Variants in RAD18 observed in about 807,000 individuals in gnomAD.
RAD18 encodes E3 ubiquitin-protein ligase RAD18.
In RAD18, 47 loss-of-function variants were observed where a neutral mutation model predicts 60.4. The observed-to-expected ratio is 0.78, with a 90% CI of 0.62 to 0.99. The LOEUF (loss-of-function observed/expected upper bound fraction) is 0.99. Ranked by LOEUF, RAD18 falls within the 50% of genes least tolerant of loss-of-function variation. The pLI is 0.00. For synonymous variants in RAD18, 225 were observed against 195.5 expected (o/e 1.15, Z -1.26); for missense variants, 640 against 593.3 (o/e 1.08, Z -0.82).
chr3:8,902,353 T>C (rs1321401083), intron 10 of RAD18, 27 bp downstream of exon 10: 2 of 1,479,064 alleles, frequency 1.4e-6, no homozygotes, highest in Non-Finnish European at 1.8e-6. Context: ...ATTCGACATA[T>C]GTCTGTTTTT....
chr3:8,907,507 G>C (rs982675497), intron 9 of RAD18, among the ~76,000 whole-genome samples: 1 of 151,996 alleles, frequency 6.6e-6, no homozygotes, highest in Non-Finnish European at 1.5e-5. Context: ...CCATCTCACC[G>C]CCCAAATATT....
intron 4 of RAD18, among the ~76,000 whole-genome samples, chr3:8,943,485 T>C (rs1019901748): frequency 2.0e-5 from 3 of 151,752 alleles, no homozygotes; most frequent in African/African-American, 4.8e-5. Context: ...GGCAGGTCAA[T>C]AGAAAATATC....
chr3:8,952,016 C>A (rs932289847), intron 2 of RAD18, among the ~76,000 whole-genome samples: 6 of 152,092 alleles, frequency 3.9e-5, no homozygotes, highest in Admixed American at 2.6e-4. Context: ...ACTGTCAGGA[C>A]CTAATTTAAA....
intron 7 of RAD18, among the ~76,000 whole-genome samples, chr3:8,918,994 A>T (rs1385736947): frequency 6.6e-6 from 1 of 152,238 alleles, no homozygotes; most frequent in Non-Finnish European, 1.5e-5. Flanking sequence ...TATCAAAGAG[A>T]AGGAAACTGG....
intron 11 of RAD18, among the ~76,000 whole-genome samples, chr3:8,892,219 T>C (rs1054406704): frequency 7.2e-5 from 11 of 152,198 alleles, no homozygotes; most frequent in African/African-American, 2.4e-4. Flanking sequence ...AGGAACTTTT[T>C]CAGCTTGTCT....
rs77079799 is a variant in RAD18 at position 8,958,439 on chromosome 3, G to T, written c.133+481C>A. 2.2e-3 allele frequency among the ~76,000 whole-genome samples: 329 copies of T among 152,274 alleles called. 1 individual carries two copies. The highest frequency in any genetic ancestry group is 7.1e-3 in the African/African-American group (294 of 41,550). Reference sequence around the variant, plus strand: ...GAGAAGTACAAACAAATTCCAACATGAGTCTTTCCAGCGTCACATAGCAGT... The same window carrying T: ...GAGAAGTACAAACAAATTCCAACATTAGTCTTTCCAGCGTCACATAGCAGT... On this transcript the variant is annotated intron_variant, in intron 2 of 12. Coordinates refer to ENST00000264926, the MANE Select transcript of RAD18 (RefSeq NM_020165.4).
intron 7 of RAD18, among the ~76,000 whole-genome samples, chr3:8,924,719 C>A (rs1408905007): frequency 7.1e-6 from 1 of 140,346 alleles, no homozygotes; most frequent in African/African-American, 2.6e-5. Context: ...TCTCTCAGAC[C>A]ACAGTGCAAT....
At position 8,913,350 on chromosome 3, in the gene RAD18, T is replaced by C. The variant is rs1352012625; in HGVS notation, c.966+294A>G. On this transcript the variant is annotated intron_variant, in intron 8 of 12. Transcript: ENST00000264926. ...CTTAGAGGTCCTTAGAGGTAGCTTA[T>C]CAAACACAACCAGCAGAGAAAGGAC... is the stretch of plus-strand genomic sequence containing the variant. 2.0e-5 allele frequency among the ~76,000 whole-genome samples: 3 copies of C among 152,190 alleles called. No individual in the cohort carries two copies. The East Asian group carries it at 5.8e-4, about 29-fold the overall frequency.
intron 7 of RAD18, among the ~76,000 whole-genome samples, chr3:8,918,694 A>G (rs760995600): frequency 6.6e-6 from 1 of 152,082 alleles, no homozygotes; most frequent in Non-Finnish European, 1.5e-5. Flanking sequence ...AGAAAAATCT[A>G]CTCTTTATAA....
intron 11 of RAD18, among the ~76,000 whole-genome samples, chr3:8,898,351 G>A (rs761198815): frequency 1.2e-4 from 18 of 150,460 alleles, no homozygotes; most frequent in Non-Finnish European, 1.8e-4. Flanking sequence ...GTGAAAGACC[G>A]GAACAAAAAC....
chr3:8,916,540 C>A (rs1467163787), intron 7 of RAD18, among the ~76,000 whole-genome samples: 1 of 151,762 alleles, frequency 6.6e-6, no homozygotes, highest in Non-Finnish European at 1.5e-5. Flanking sequence ...AAAACTTAAA[C>A]ATGAAAAAGC....
intron 11 of RAD18, among the ~76,000 whole-genome samples, chr3:8,891,018 GT>G (rs1182960107): frequency 1.3e-5 from 2 of 151,340 alleles, no homozygotes; most frequent in Non-Finnish European, 2.9e-5. Flanking sequence ...TATGATGTCT[GT>G]TTGTTCATGT....
chr3:8,898,767 G>A (rs1939844258), intron 11 of RAD18, 127 bp downstream of exon 11: 1 of 800,310 alleles, frequency 1.2e-6, no homozygotes. Flanking sequence ...CAGTAAAAGG[G>A]GACTGAAATG....
chr3:8,951,248 A>T (rs573380631), intron 2 of RAD18, among the ~76,000 whole-genome samples: 8 of 152,324 alleles, frequency 5.3e-5, no homozygotes, highest in African/African-American at 1.9e-4. Flanking sequence ...TAACGAAAAA[A>T]TATTGAAAGA....
intron 12 of RAD18, among the ~76,000 whole-genome samples, chr3:8,883,912 T>A (rs1010484923): frequency 1.3e-5 from 2 of 152,220 alleles, no homozygotes; most frequent in African/African-American, 2.4e-5. Flanking sequence ...AAAAGGCTTT[T>A]TGAATTCAGC....
chr3:8,947,377 C>T, intron 3 of RAD18, 87 bp from the exon 4 acceptor site: 3 of 1,056,610 alleles, frequency 2.8e-6, no homozygotes, highest in Non-Finnish European at 4.3e-6. Flanking sequence ...CTGACCCATC[C>T]TCCTGAGGTT....
chr3:8,936,732 C>G (rs561710114), intron 6 of RAD18, among the ~76,000 whole-genome samples: 9 of 152,312 alleles, frequency 5.9e-5, no homozygotes, highest in Non-Finnish European at 1.0e-4. Context: ...ATAACTAGCT[C>G]ACACAAGGCT....
At chr3:8,948,473 G>A (rs1940872620) in intron 3 of RAD18, 36 bp downstream of exon 3, 5 of 1,550,514 alleles carry the variant, frequency 3.2e-6, no homozygotes, top group Non-Finnish European at 4.5e-6. Context: ...ATTTGCAGCA[G>A]TCAGTAAGTT....
chr3:8,947,172 T>C (rs574604245), intron 4 of RAD18, 48 bp downstream of exon 4: 2 of 1,403,056 alleles, frequency 1.4e-6, no homozygotes, highest in African/African-American at 1.4e-5. Context: ...AGAGAACACA[T>C]ATAAAAGGCA....
Sources: allele counts gnomAD v4.1 joint callset (sites outside exome capture counted in the v4.1 genomes callset), GRCh38; gene constraint gnomAD v4.1.1; transcripts MANE v1.5; gene names NCBI Gene and HGNC (gene_info 2026-07-23, HGNC 2026-07-21).